The following FAM161B variants were observed in gnomAD, a reference collection of about 807,000 sequenced individuals.
FAM161B encodes FAM161 centrosomal protein B, also known as protein FAM161B.
Under a neutral mutation model 61.5 loss-of-function variants are expected in FAM161B, and 46 were observed. That is an observed-to-expected ratio of 0.75 (90% CI 0.59 to 0.96). The LOEUF (loss-of-function observed/expected upper bound fraction) is 0.96. Ranked by LOEUF, FAM161B falls within the 40% of genes least tolerant of loss-of-function variation. FAM161B has a pLI of 0.00. For synonymous variants in FAM161B, 284 were observed against 302.7 expected (o/e 0.94, Z 0.64); for missense variants, 774 against 800.7 (o/e 0.97, Z 0.40).
At chr14:73,945,373 T>C (rs1207031886) in intron 2 of FAM161B, among the ~76,000 whole-genome samples, 4 of 152,192 alleles carry the variant, frequency 2.6e-5, no homozygotes, top group Non-Finnish European at 4.4e-5. Flanking sequence ...TAAAGGTACT[T>C]TGTTGTCATT....
chr14:73,922,892 A>C, the FAM161B span: 3 of 152,370 alleles, frequency 2.0e-5, no homozygotes, highest in Non-Finnish European at 2.9e-5. Flanking sequence ...ATAGTTGTAT[A>C]ATCTAGAAAA....
At chr14:73,940,593 C>T (rs1366532222) in intron 5 of FAM161B, among the ~76,000 whole-genome samples, 1 of 152,116 alleles carries the variant, frequency 6.6e-6, no homozygotes, top group African/African-American at 2.4e-5. Context: ...TCCCCTTTAC[C>T]CCCCATCATT....
At position 73,936,094 on chromosome 14, in the gene FAM161B, G is replaced by A. The variant is rs199759386; in HGVS notation, c.1666-6C>T. On this transcript the variant is annotated splice_region_variant and splice_polypyrimidine_tract_variant and intron_variant, in intron 7 of 8. Transcript: ENST00000286544. ...GCTTCTTTCTTGGCTAGATCCTGTGGGATGGAAATTAATCTGTTGTAGCTG... is the reference window on the plus strand; with the variant it reads ...GCTTCTTTCTTGGCTAGATCCTGTGAGATGGAAATTAATCTGTTGTAGCTG... 3.0e-4 allele frequency: 473 copies of A among 1,597,352 alleles called. 2 individuals carry two copies. The highest frequency in any genetic ancestry group is 4.0e-4 in the Admixed American group (23 of 57,758).
In FAM161B at chr14:73,938,751, G is replaced by A. The variant is rs184274384; in HGVS notation, c.1401-639C>T. ...CGTGCCACTGCACTCCAGCCTGGGC[G>A]ACAGTGAGAGACTCCGTCTCAAAAA... On this transcript the variant is annotated intron_variant, in intron 5 of 8. Transcript: ENST00000286544. 2.5e-3 allele frequency among the ~76,000 whole-genome samples: 381 copies of A among 152,208 alleles called. 3 individuals are homozygous for A. The highest frequency in any genetic ancestry group is 0.01 in the Middle Eastern group (3 of 294).
At chr14:73,939,910 G>A (rs1333510163) in intron 5 of FAM161B, among the ~76,000 whole-genome samples, 3 of 152,210 alleles carry the variant, frequency 2.0e-5, no homozygotes, top group Non-Finnish European at 4.4e-5. Flanking sequence ...GTCCTCTATA[G>A]GAAGGCCAGC....
In FAM161B at chr14:73,944,905, G is replaced by A. The variant is rs2056053664; in HGVS notation, c.375-20C>T. 6.7e-7 allele frequency: 1 copy of A among 1,499,526 alleles called. No homozygotes were observed. The highest frequency in any genetic ancestry group is 8.9e-7 in the Non-Finnish European group (1 of 1,128,538). The allele number at this position is 1,499,526 out of a possible 1,614,324, so 92.9% of individuals were successfully genotyped here. A position where few individuals can be genotyped will look rare whatever the true frequency, so the allele number is the denominator to read the frequency against. Reference sequence around the variant, plus strand: ...CCACACCTGGGAAAAAAGCAGATCTGTGAGTGGAGGACAGGGCAGTCAGGA... The same window carrying A: ...CCACACCTGGGAAAAAAGCAGATCTATGAGTGGAGGACAGGGCAGTCAGGA... On this transcript the variant is annotated intron_variant, in intron 2 of 8. Transcript: ENST00000286544.
At chr14:73,932,067 C>T (rs1404682712), downstream of FAM161B, 3 of 454,888 alleles carry the variant, frequency 6.6e-6, no homozygotes, top group Non-Finnish European at 8.9e-6. Flanking sequence ...TGCCACTGGG[C>T]TGCAAAAAAA....
intron 1 of FAM161B, among the ~76,000 whole-genome samples, chr14:73,949,384 C>CAAAAAAA (rs2056104654): frequency 6.6e-6 from 1 of 151,998 alleles, no homozygotes; most frequent in East Asian, 1.9e-4. Context: ...CGCACCCGGC[C>CAAAAAAA]AATTTTTGTA....
intron 1 of FAM161B, among the ~76,000 whole-genome samples, chr14:73,948,559 G>A (rs1381073167): frequency 6.6e-6 from 1 of 152,088 alleles, no homozygotes; most frequent in Non-Finnish European, 1.5e-5. Flanking sequence ...GTGTGATCTT[G>A]GGCACGTTTT....
chr14:73,946,448 A>T lies in FAM161B; in HGVS notation c.212T>A (p.Leu71Ter), dbSNP rs369340665. 4 of 1,614,148 alleles carry T rather than the reference A, an allele frequency of 2.5e-6. No individual in the cohort carries two copies. Among genetic ancestry groups the T allele is most frequent in the Non-Finnish European group, 3.4e-6 (4 of 1,180,036 alleles). ...TCTCCCTTTCTGCTTCAGTTCCTGTAAGTTCTGGTAAATGCTCCCAGTTGA... is the reference window on the plus strand; with the variant it reads ...TCTCCCTTTCTGCTTCAGTTCCTGTTAGTTCTGGTAAATGCTCCCAGTTGA... Reference protein sequence around the residue: ...SDSTGSIYQNLQELKQKGRWC... With the variant: ...SDSTGSIYQN Residue 71 changes from leucine to a stop codon, truncating the protein, a stop_gained, in exon 2 of 9, where the codon TTA becomes TAA. Coordinates refer to ENST00000286544, the MANE Select transcript of FAM161B (RefSeq NM_152445.3). LOFTEE classifies it high-confidence loss of function.
downstream of FAM161B, among the ~76,000 whole-genome samples, chr14:73,927,384 G>T (rs951905306): frequency 6.6e-6 from 1 of 152,062 alleles, no homozygotes; most frequent in African/African-American, 2.4e-5. Flanking sequence ...CGGCCTAATT[G>T]TGATTCTTTT....
downstream of FAM161B, among the ~76,000 whole-genome samples, chr14:73,928,229 A>C (rs2055862444): frequency 1.3e-5 from 2 of 152,198 alleles, no homozygotes; most frequent in Non-Finnish European, 2.9e-5. Flanking sequence ...GGAGGGATGA[A>C]TAGACATCAT....
intron 8 of FAM161B, among the ~76,000 whole-genome samples, chr14:73,935,121 G>A (rs1188590035): frequency 6.6e-6 from 1 of 151,888 alleles, no homozygotes; most frequent in African/African-American, 2.4e-5. Flanking sequence ...AAATTTCTAG[G>A]GGTATAAAAC....
At chr14:73,944,279 A>T in intron 3 of FAM161B, 56 bp downstream of exon 3, 1 of 1,529,992 alleles carries the variant, frequency 6.5e-7, no homozygotes, top group African/African-American at 1.4e-5. Context: ...CTAAATCCCT[A>T]TGGTGGGATT....
chr14:73,930,962 A>G (rs1194406854), downstream of FAM161B, among the ~76,000 whole-genome samples: 1 of 152,186 alleles, frequency 6.6e-6, no homozygotes, highest in Non-Finnish European at 1.5e-5. Flanking sequence ...CTTTGAATAG[A>G]GCCTTGTGTA....
Position 73,950,001 on chromosome 14 carries a change from G to A in FAM161B, c.26C>T (p.Ala9Val), listed in dbSNP as rs752601872. 6.2e-7 allele frequency: 1 copy of A among 1,613,072 alleles called. No homozygotes were observed. The highest frequency in any genetic ancestry group is 8.5e-7 in the Non-Finnish European group (1 of 1,180,020). The change falls in exon 1 of 9, where the codon GCC becomes GTC. Residue 9 changes from alanine to valine, a missense_variant. Physicochemically the swap from Ala to Val is moderately conservative, Grantham distance 64. Coordinates refer to ENST00000286544, the MANE Select transcript of FAM161B (RefSeq NM_152445.3). MTVGRPEG[A>V]PGGAEGSRQI... ...ACGGCTCCCCTCCGCGCCTCCGGGGGCTCCCTCAGGCCTCCCCACGGTCAT... is the reference window on the plus strand; with the variant it reads ...ACGGCTCCCCTCCGCGCCTCCGGGGACTCCCTCAGGCCTCCCCACGGTCAT...
At chr14:73,936,125 T>C (rs776610989) in intron 7 of FAM161B, 37 bp from the exon 8 acceptor site, 4 of 1,567,166 alleles carry the variant, frequency 2.6e-6, no homozygotes, top group South Asian at 2.3e-5. Flanking sequence ...AGCTGTCTTA[T>C]GAATTACCAG....
At chr14:73,936,336 A>G (rs1304149512) in intron 7 of FAM161B, among the ~76,000 whole-genome samples, 1 of 152,184 alleles carries the variant, frequency 6.6e-6, no homozygotes, top group Non-Finnish European at 1.5e-5. Flanking sequence ...CTGTATTTCT[A>G]ACACTCCCCA....
In FAM161B at chr14:73,949,443, C is replaced by T. The variant is rs553094677; in HGVS notation, c.54+530G>A. On this transcript the variant is annotated intron_variant, in intron 1 of 8. Transcript: ENST00000286544. ...CCATGGAAACCAGCCTGGTCTCGAT[C>T]TCTTGACCTCATGATCCGCTTTCCT... is the stretch of plus-strand genomic sequence containing the variant. Among the ~76,000 whole-genome samples the T allele has an allele frequency of 2.0e-5, 3 of 152,044 alleles. No individual in the cohort carries two copies. In the South Asian group the frequency reaches 6.3e-4, roughly 32 times the overall value.
Sources: gnomAD v4.1 joint callset for allele counts (sites outside exome capture counted in the v4.1 genomes callset) on GRCh38, gnomAD v4.1.1 for gene constraint, MANE v1.5 for transcripts, NCBI Gene and HGNC (gene_info 2026-07-23, HGNC 2026-07-21) for gene names.